Variants in ADAMTS17 observed in about 807,000 individuals in gnomAD.
ADAMTS17 encodes A disintegrin and metalloproteinase with thrombospondin motifs 17.
A neutral mutation model predicts 141.5 loss-of-function variants in ADAMTS17; 113 were observed. That is an observed-to-expected ratio of 0.80 (90% CI 0.69 to 0.93). The LOEUF (loss-of-function observed/expected upper bound fraction) is 0.93. Ranked by LOEUF, ADAMTS17 falls within the 40% of genes least tolerant of loss-of-function variation. The probability of loss-of-function intolerance (pLI) is 0.00; values close to 1 mark genes in which losing one functional copy is unlikely to be tolerated. For missense variants in ADAMTS17, 1,659 were observed against 1,517.9 expected, an observed-to-expected ratio of 1.09 and a Z score of -1.54; for synonymous variants, 768 against 630.6, an observed-to-expected ratio of 1.22 and a Z score of -3.27.
intron 4 of ADAMTS17, among the ~76,000 whole-genome samples, chr15:100,268,914 C>A (rs2043810594): frequency 1.3e-5 from 2 of 152,142 alleles, no homozygotes; most frequent in Non-Finnish European, 2.9e-5. Context: ...AAACATAGCA[C>A]TTATACAAAA....
intron 10 of ADAMTS17, among the ~76,000 whole-genome samples, chr15:100,137,550 A>C (rs973907887): frequency 3.3e-5 from 5 of 152,188 alleles, no homozygotes; most frequent in Admixed American, 3.3e-4. Flanking sequence ...TGATGGATGA[A>C]CCTTCTGCTT....
At chr15:100,205,525 C>T (rs935748861) in intron 7 of ADAMTS17, among the ~76,000 whole-genome samples, 1 of 152,104 alleles carries the variant, frequency 6.6e-6, no homozygotes, top group African/African-American at 2.4e-5. Context: ...GAGGGGTTCT[C>T]CAGGGAGCAA....
At chr15:100,101,856 G>T (rs146986885) in intron 14 of ADAMTS17, among the ~76,000 whole-genome samples, 1 of 152,100 alleles carries the variant, frequency 6.6e-6, no homozygotes, top group Non-Finnish European at 1.5e-5. Context: ...CCATCTCTTC[G>T]GTTGGAGGGA....
intron 7 of ADAMTS17, among the ~76,000 whole-genome samples, chr15:100,200,062 G>A (rs575649701): frequency 7.5e-4 from 114 of 152,254 alleles, no homozygotes; most frequent in Non-Finnish European, 1.3e-3. Context: ...CGGAGCCAGC[G>A]CTGGGAGAGC....
At chr15:100,077,386 C>T (rs1034166462) in intron 15 of ADAMTS17, among the ~76,000 whole-genome samples, 2 of 150,154 alleles carry the variant, frequency 1.3e-5, no homozygotes, top group African/African-American at 2.5e-5. Context: ...CGCTTGAACC[C>T]GGTGGGCAAG....
intron 8 of ADAMTS17, among the ~76,000 whole-genome samples, chr15:100,159,357 T>G (rs1349284920): frequency 6.6e-6 from 1 of 152,250 alleles, no homozygotes; most frequent in Non-Finnish European, 1.5e-5. Context: ...TGAAATCAGC[T>G]TTTTATTTTC....
chr15:100,063,014 G>A (rs927615399), intron 15 of ADAMTS17, among the ~76,000 whole-genome samples: 10 of 152,266 alleles, frequency 6.6e-5, no homozygotes, highest in South Asian at 2.1e-4. Flanking sequence ...TGCTGGGGTC[G>A]TCTGGGAATT....
chr15:100,296,262 CTT>C (rs5814960), intron 3 of ADAMTS17, among the ~76,000 whole-genome samples: 3 of 147,402 alleles, frequency 2.0e-5, no homozygotes, highest in South Asian at 4.3e-4. Context: ...TTTGTGACCA[CTT>C]TTTTTTTTTA....
chr15:100,301,623 G>A (rs940597424), intron 3 of ADAMTS17, among the ~76,000 whole-genome samples: 6 of 151,522 alleles, frequency 4.0e-5, no homozygotes, highest in African/African-American at 9.7e-5. Flanking sequence ...GAGTCACCAC[G>A]CCCAGCTTAT....
At chr15:100,287,531 A>T (rs535065961) in intron 3 of ADAMTS17, among the ~76,000 whole-genome samples, 1 of 152,360 alleles carries the variant, frequency 6.6e-6, no homozygotes, top group African/African-American at 2.4e-5. Flanking sequence ...CAGGAAATAG[A>T]GAACCCCTGA....
intron 10 of ADAMTS17, among the ~76,000 whole-genome samples, chr15:100,151,517 T>C (rs1005253445): frequency 6.6e-6 from 1 of 152,234 alleles, no homozygotes; most frequent in South Asian, 2.1e-4. Flanking sequence ...GAGTGCTTGC[T>C]CCAGGAACCT....
At chr15:100,205,977 G>T (rs1054441397) in intron 7 of ADAMTS17, among the ~76,000 whole-genome samples, 1 of 152,156 alleles carries the variant, frequency 6.6e-6, no homozygotes, top group Non-Finnish European at 1.5e-5. Context: ...ACTGAGCCAC[G>T]CACCCACTGA....
chr15:100,090,577 T>G (rs939901466), intron 15 of ADAMTS17, among the ~76,000 whole-genome samples: 1 of 152,128 alleles, frequency 6.6e-6, no homozygotes, highest in African/African-American at 2.4e-5. Context: ...GTGCCCCTGG[T>G]GGAGGTGCTG....
In ADAMTS17 at chr15:100,192,594, A is replaced by T. The variant is rs533820689; in HGVS notation, c.1181+6724T>A. Among the ~76,000 whole-genome samples, 15 of 152,280 alleles carry T rather than the reference A, an allele frequency of 9.9e-5. No homozygotes were observed. The East Asian group carries it at 2.9e-3, about 29-fold the overall frequency. On this transcript the variant is annotated intron_variant, in intron 8 of 21. Coordinates refer to ENST00000268070, the MANE Select transcript of ADAMTS17 (RefSeq NM_139057.4). ...CCTACTAGGTGGAGCACTCAGGCCA[A>T]ACATTTGAGGCAAGAGCAGCCACCA...
chr15:100,056,311 C>T (rs1008571442), intron 15 of ADAMTS17, among the ~76,000 whole-genome samples: 1 of 152,080 alleles, frequency 6.6e-6, no homozygotes, highest in Non-Finnish European at 1.5e-5. Flanking sequence ...CCAGTGTGGG[C>T]TGGTGGGAAG....
At chr15:100,053,376 G>C (rs945435128) in intron 16 of ADAMTS17, among the ~76,000 whole-genome samples, 3 of 152,146 alleles carry the variant, frequency 2.0e-5, no homozygotes, top group African/African-American at 4.8e-5. Flanking sequence ...CTGGGGAGTA[G>C]AATACCCACA....
chr15:99,979,448 G>C (rs546880903), intron 20 of ADAMTS17: 9 of 152,250 alleles, frequency 5.9e-5, no homozygotes, highest in African/African-American at 2.2e-4. Context: ...CAGAAACTGA[G>C]AGTCCACACA....
chr15:100,110,109 A>C (rs561327773), intron 13 of ADAMTS17, among the ~76,000 whole-genome samples: 4 of 150,724 alleles, frequency 2.7e-5, no homozygotes, highest in African/African-American at 9.7e-5. Context: ...CAGGGGACTT[A>C]AGCTTTCATT....
At chr15:100,057,271 A>G (rs1229197977) in intron 15 of ADAMTS17, among the ~76,000 whole-genome samples, 12 of 152,144 alleles carry the variant, frequency 7.9e-5, no homozygotes, top group African/African-American at 2.9e-4. Flanking sequence ...GAAGGGGCTC[A>G]CTGTGAGGAT....
Sources: gnomAD v4.1 joint callset for allele counts (sites outside exome capture counted in the v4.1 genomes callset) on GRCh38, gnomAD v4.1.1 for gene constraint, MANE v1.5 for transcripts, NCBI Gene and HGNC (gene_info 2026-07-23, HGNC 2026-07-21) for gene names.